Variants in GNA13 observed in about 807,000 individuals in gnomAD.
GNA13 encodes the protein guanine nucleotide-binding protein subunit alpha-13.
GNA13 carries 4 observed loss-of-function variants against 33.5 expected under a neutral mutation model. That is an observed-to-expected ratio of 0.12 (90% CI 0.06 to 0.27). The LOEUF is 0.27. Among genes scored for constraint, GNA13 ranks in the 10% least tolerant of loss-of-function variants. The pLI is 1.00. For synonymous variants in GNA13, 176 were observed against 183.8 expected (o/e 0.96, Z 0.34); for missense variants, 319 against 487.2 (o/e 0.65, Z 3.25).
chr17:65,034,883 T>C (rs564401799), intron 2 of GNA13, among the ~76,000 whole-genome samples: 1 of 151,968 alleles, frequency 6.6e-6, no homozygotes, highest in African/African-American at 2.4e-5. Flanking sequence ...CCTCCCTGGT[T>C]CAAGCGATTC....
At chr17:65,037,430 C>A (rs573577782) in intron 2 of GNA13, among the ~76,000 whole-genome samples, 1 of 152,166 alleles carries the variant, frequency 6.6e-6, no homozygotes, top group African/African-American at 2.4e-5. Flanking sequence ...GTCAGCATAT[C>A]CAACTTTCCT....
intron 2 of GNA13, among the ~76,000 whole-genome samples, chr17:65,029,225 T>C (rs916180801): frequency 6.6e-6 from 1 of 152,176 alleles, no homozygotes; most frequent in African/African-American, 2.4e-5. Context: ...CAACTGACTA[T>C]CTCCAACATT....
chr17:65,036,660 C>T (rs1026708595), intron 2 of GNA13, among the ~76,000 whole-genome samples: 16 of 152,196 alleles, frequency 1.1e-4, no homozygotes, highest in Non-Finnish European at 4.4e-5. Context: ...GAGCCTACAT[C>T]GTGCCACTGC....
At chr17:65,056,260 C>CCCCCCCCCCCCCCCCCCCCA in intron 1 of GNA13, 51 bp downstream of exon 1, 1 of 1,196,346 alleles carries the variant, frequency 8.4e-7, no homozygotes, top group Non-Finnish European at 1.2e-6. Flanking sequence ...CACCCGCCGC[C>CCCCCCCCCCCCCCCCCCCCA]GCCCCAGCCC....
chr17:65,026,258 C>A (rs1282407294), intron 2 of GNA13, among the ~76,000 whole-genome samples: 3 of 151,388 alleles, frequency 2.0e-5, no homozygotes, highest in Non-Finnish European at 4.4e-5. Flanking sequence ...TTAAACAAAC[C>A]TCAAATCCTT....
intron 2 of GNA13, among the ~76,000 whole-genome samples, chr17:65,033,674 CA>C (rs1242995498): frequency 1.6e-4 from 24 of 151,996 alleles, no homozygotes; most frequent in Admixed American, 1.6e-3. Flanking sequence ...CAAGTGAATA[CA>C]CAGTTCCAAA....
chr17:65,056,278 CTTAA>C, intron 1 of GNA13, 29 bp downstream of exon 1: 9 of 1,511,352 alleles, frequency 6.0e-6, no homozygotes, highest in East Asian at 2.3e-5. Flanking sequence ...CCCCCCTGCC[CTTAA>C]CCCCCGGCCC....
intron 2 of GNA13, among the ~76,000 whole-genome samples, chr17:65,026,006 A>G (rs1216259514): frequency 6.6e-6 from 1 of 152,082 alleles, no homozygotes. Context: ...TGATGAAAAC[A>G]GCAGATAAGA....
At chr17:65,035,328 A>G (rs1263717826) in intron 2 of GNA13, among the ~76,000 whole-genome samples, 1 of 152,220 alleles carries the variant, frequency 6.6e-6, no homozygotes, top group Admixed American at 6.5e-5. Flanking sequence ...TGCTCCTCTG[A>G]GAAAATCACC....
intron 3 of GNA13, among the ~76,000 whole-genome samples, chr17:65,016,579 C>A (rs907365769): frequency 2.1e-4 from 32 of 152,300 alleles, no homozygotes; most frequent in African/African-American, 7.7e-4. Context: ...CCAGGCTGGT[C>A]TCGAACTCCT....
At chr17:65,056,249 G>GCCCCCCCCCCCCCCCCCCCCC in intron 1 of GNA13, 62 bp downstream of exon 1, 6 of 774,828 alleles carry the variant, frequency 7.7e-6, no homozygotes, top group Non-Finnish European at 7.8e-6. Flanking sequence ...GCCCCGCCCC[G>GCCCCCCCCCCCCCCCCCCCCC]CACCCGCCGC....
chr17:65,056,249 G>GCCCCCCCCCCCCCCCCCCCCCCCCCC, intron 1 of GNA13, 62 bp downstream of exon 1: 6 of 774,832 alleles, frequency 7.7e-6, no homozygotes, highest in East Asian at 4.2e-5. Flanking sequence ...GCCCCGCCCC[G>GCCCCCCCCCCCCCCCCCCCCCCCCCC]CACCCGCCGC....
intron 2 of GNA13, among the ~76,000 whole-genome samples, chr17:65,027,985 T>C (rs1229328963): frequency 6.6e-6 from 1 of 152,114 alleles, no homozygotes; most frequent in Non-Finnish European, 1.5e-5. Flanking sequence ...ACGCCTGTAA[T>C]CCCAGTACTC....
At chr17:65,049,446 A>G (rs565806471) in intron 2 of GNA13, among the ~76,000 whole-genome samples, 24 of 152,278 alleles carry the variant, frequency 1.6e-4, no homozygotes, top group African/African-American at 5.5e-4. Context: ...TGTCTGAAAA[A>G]CGAGGAAATA....
chr17:65,037,854 G>A (rs77789320), intron 2 of GNA13, among the ~76,000 whole-genome samples: 1,776 of 141,444 alleles, frequency 0.013, 20 homozygotes, highest in Non-Finnish European at 0.018. Context: ...CCCTTTCCCC[G>A]AGTAATCATA....
chr17:65,034,105 A>C (rs1907158385), intron 2 of GNA13, among the ~76,000 whole-genome samples: 1 of 151,226 alleles, frequency 6.6e-6, no homozygotes, highest in Non-Finnish European at 1.5e-5. Flanking sequence ...TTCTTTTTCA[A>C]ACTAAGTATC....
chr17:65,035,613 C>T (rs889204826), intron 2 of GNA13, among the ~76,000 whole-genome samples: 1 of 151,950 alleles, frequency 6.6e-6, no homozygotes, highest in Non-Finnish European at 1.5e-5. Flanking sequence ...AACCACTTTC[C>T]TACTCTTCAG....
intron 2 of GNA13, among the ~76,000 whole-genome samples, chr17:65,033,929 C>G (rs561990727): frequency 2.3e-3 from 310 of 134,128 alleles, no homozygotes; most frequent in African/African-American, 8.1e-3. Flanking sequence ...AGGAGAATCA[C>G]TTGAACTCAG....
At chr17:65,051,763 T>C (rs977787068) in intron 2 of GNA13, 7 of 152,206 alleles carry the variant, frequency 4.6e-5, no homozygotes, top group African/African-American at 1.7e-4. Context: ...ATGGAGGTCA[T>C]TTGTCAAGTT....
Sources: allele counts gnomAD v4.1 joint callset (sites outside exome capture counted in the v4.1 genomes callset), GRCh38; gene constraint gnomAD v4.1.1; transcripts MANE v1.5; gene names NCBI Gene and HGNC (gene_info 2026-07-23, HGNC 2026-07-21).